SDK2: variants seen among roughly 807,000 people sequenced by gnomAD.
SDK2 encodes the protein sidekick cell adhesion molecule 2.
Under a neutral mutation model 253.9 loss-of-function variants are expected in SDK2, and 105 were observed. That is an observed-to-expected ratio of 0.41 (90% CI 0.35 to 0.49). SDK2 has a LOEUF of 0.49. Ranked by LOEUF, SDK2 falls within the 20% of genes least tolerant of loss-of-function variation. SDK2 has a pLI of 0.06. For synonymous variants in SDK2, 1,249 were observed against 1,234.9 expected (o/e 1.01, Z -0.24); for missense variants, 2,608 against 3,003.0 (o/e 0.87, Z 3.07).
chr17:73,457,284 TTCCCC>T (rs2063534716), intron 3 of SDK2, among the ~76,000 whole-genome samples: 1 of 30,522 alleles, frequency 3.3e-5, no homozygotes, highest in African/African-American at 2.0e-4. Flanking sequence ...CCTTCCTTCC[TTCCCC>T]CCTCCCTCCC....
intron 29 of SDK2, among the ~76,000 whole-genome samples, chr17:73,388,612 C>CCT (rs921449996): frequency 6.6e-6 from 1 of 152,168 alleles, no homozygotes; most frequent in Non-Finnish European, 1.5e-5. Context: ...CAGTAGCACT[C>CCT]CCACACTGTG....
rs749150010 is a variant in SDK2 at position 73,422,347 on chromosome 17, T to C, written c.1985A>G (p.Gln662Arg). The change falls in exon 15 of 45, where the codon CAG (glutamine) becomes CGG (arginine). Residue 662 changes from glutamine (Q) to arginine (R), a missense_variant. Around this residue, in one of 2 missense-constraint regions of SDK2, gnomAD observed 1,505 missense variants for 1,859.1 expected, o/e 0.81. Transcript: ENST00000392650. ...VKGLVPARSY[Q>R]FRLCAVNDVG... The stretch of plus-strand genomic sequence containing the variant: ...GTCGTTGACGGCACAAAGACGGAAC[T>C]GGTAGGAGCGTGCAGGAACCAGGCC... 1.2e-6 allele frequency: 2 copies of C among 1,613,928 alleles called. No individual in the cohort carries two copies. Among genetic ancestry groups the C allele is most frequent in the South Asian group, 1.1e-5 (1 of 91,074 alleles).
At chr17:73,606,380 G>A (rs558962509) in intron 1 of SDK2, among the ~76,000 whole-genome samples, 117 of 151,946 alleles carry the variant, frequency 7.7e-4, no homozygotes, top group Middle Eastern at 3.4e-3. Flanking sequence ...CTCCTCTGAG[G>A]GGGGGCAGGG....
chr17:73,538,068 T>C (rs1197499166), intron 1 of SDK2, among the ~76,000 whole-genome samples: 1 of 152,172 alleles, frequency 6.6e-6, no homozygotes, highest in African/African-American at 2.4e-5. Context: ...AGCTGGTACC[T>C]GGGAGACAGA....
At chr17:73,509,840 C>T (rs2063965052) in intron 1 of SDK2, among the ~76,000 whole-genome samples, 1 of 133,000 alleles carries the variant, frequency 7.5e-6, no homozygotes, top group African/African-American at 2.9e-5. Flanking sequence ...GCGGAGGTTG[C>T]AGTGAGCCGA....
At chr17:73,509,060 G>A (rs2063957640) in intron 1 of SDK2, among the ~76,000 whole-genome samples, 1 of 152,198 alleles carries the variant, frequency 6.6e-6, no homozygotes, top group African/African-American at 2.4e-5. Context: ...TGTAATTAAA[G>A]CTGTGCAGGC....
Position 73,470,004 on chromosome 17 carries a change from A to G in SDK2, c.331+2108T>C, listed in dbSNP as rs908499085. On this transcript the variant is annotated intron_variant, in intron 3 of 44. Coordinates refer to ENST00000392650, the MANE Select transcript of SDK2 (RefSeq NM_001144952.2). ...ACTGCGCGCGCGCGCACACACACAC[A>G]CACACACACACACACACACACACAC... 9.1e-3 allele frequency among the ~76,000 whole-genome samples: 1,355 copies of G among 148,340 alleles called. 21 individuals carry two copies. Among genetic ancestry groups the G allele is most frequent in the African/African-American group, 0.031 (1,196 of 39,004 alleles).
rs1320945257 is a variant in SDK2, at chr17:73,386,518, T to A, written c.4425A>T (p.Arg1475=). ...RLKPFTSYKF[R]VKATNDIGDS... Reference sequence around the variant, plus strand: ...CGCCAATGTCATTGGTCGCCTTCACTCGGAACTTGTAGGACGTGAAGGGCT... The same window carrying A: ...CGCCAATGTCATTGGTCGCCTTCACACGGAACTTGTAGGACGTGAAGGGCT... The change falls in exon 31 of 45, where the codon CGA becomes CGT. Residue 1475 remains arginine, a synonymous_variant. Coordinates refer to ENST00000392650, the MANE Select transcript of SDK2 (RefSeq NM_001144952.2). The A allele has an allele frequency of 1.9e-6, 3 of 1,559,468 alleles. No individual in the cohort carries two copies. The African/African-American group carries it at 4.1e-5, about 21-fold the overall frequency.
intron 18 of SDK2, among the ~76,000 whole-genome samples, chr17:73,404,275 C>T (rs187170702): frequency 4.5e-4 from 69 of 152,282 alleles, no homozygotes; most frequent in Non-Finnish European, 2.2e-4. Context: ...ACTTGTCCTT[C>T]TCCAGTTGCA....
chr17:73,542,273 G>A (rs891900281), intron 1 of SDK2, among the ~76,000 whole-genome samples: 4 of 152,240 alleles, frequency 2.6e-5, no homozygotes, highest in African/African-American at 9.6e-5. Context: ...CAAAACTGAG[G>A]TTGTGACTTG....
At chr17:73,577,038 C>T (rs77880861) in intron 1 of SDK2, among the ~76,000 whole-genome samples, 2,685 of 152,272 alleles carry the variant, frequency 0.018, 82 homozygotes, top group African/African-American at 0.054. Flanking sequence ...ACCTGCAATC[C>T]CTTCCAGGAA....
intron 18 of SDK2, among the ~76,000 whole-genome samples, chr17:73,408,605 T>C (rs952544836): frequency 1.3e-5 from 2 of 152,150 alleles, no homozygotes; most frequent in Non-Finnish European, 1.5e-5. Context: ...GTAACTATAT[T>C]GTTTGGAGGA....
At chr17:73,343,294 CG>C (rs1568357911) in intron 44 of SDK2, among the ~76,000 whole-genome samples, 1 of 152,230 alleles carries the variant, frequency 6.6e-6, no homozygotes, top group African/African-American at 2.4e-5. Flanking sequence ...GCCAGGCAGG[CG>C]AGAGTCTGGT....
chr17:73,492,655 A>G (rs1336338805), intron 2 of SDK2, among the ~76,000 whole-genome samples: 1 of 152,044 alleles, frequency 6.6e-6, no homozygotes, highest in Non-Finnish European at 1.5e-5. Context: ...AGTCTCTGCC[A>G]TCCCAGCGGA....
intron 4 of SDK2, among the ~76,000 whole-genome samples, chr17:73,449,947 CAAAA>C (rs1056658442): frequency 3.3e-5 from 5 of 151,906 alleles, no homozygotes; most frequent in African/African-American, 1.2e-4. Flanking sequence ...AACAAACAAA[CAAAA>C]AAACAAGAAA....
chr17:73,510,619 C>G (rs2063972890), intron 1 of SDK2, among the ~76,000 whole-genome samples: 1 of 152,284 alleles, frequency 6.6e-6, no homozygotes, highest in East Asian at 1.9e-4. Flanking sequence ...TCCACCTCAG[C>G]CTCCTGAGTA....
In SDK2 at chr17:73,414,691, T is replaced by C. The variant is rs1318756386; in HGVS notation, c.2437A>G (p.Asn813Asp). 1 of 1,613,908 alleles carries C rather than the reference T, an allele frequency of 6.2e-7. No individual in the cohort carries two copies. Among genetic ancestry groups the C allele is most frequent in the South Asian group, 1.1e-5 (1 of 91,068 alleles). ...TTGATGAACTGGGGGCTGGGGGCGT[T>C]CCAGGTGAAGCGGATGGTCGTGGAA... ...TNSTTIRFTW[N>D]APSPQFINGI... The change falls in exon 18 of 45, where the codon AAC (asparagine) becomes GAC (aspartate). Residue 813 changes from asparagine (N) to aspartate (D), a missense_variant. Physicochemically the swap from Asn to Asp is conservative, Grantham distance 23. Coordinates refer to ENST00000392650, the MANE Select transcript of SDK2 (RefSeq NM_001144952.2).
chr17:73,348,641 G>C lies in SDK2; in HGVS notation c.6123C>G (p.Ser2041Arg). 1 of 1,613,058 alleles carries C rather than the reference G, an allele frequency of 6.2e-7. No individual in the cohort carries two copies. The highest frequency in any genetic ancestry group is 1.1e-5 in the South Asian group (1 of 91,050). ...CTGAGGGCTTCTCCGTCAGGCTGCT[G>C]CTCTCTGCAGGGATGAGGTCGTTGT... ...TKYNDLIPAE[S>R]SSLTEKPSEI... is the part of the protein sequence containing the mutation. The change falls in exon 44 of 45, where the codon AGC becomes AGG. Residue 2041 changes from serine to arginine, a missense_variant. Physicochemically the swap from Ser to Arg is moderately radical, Grantham distance 110. This residue lies in a region of SDK2 where 1,103 missense variants were observed against 1,143.9 expected (regional missense o/e 0.96). Coordinates refer to ENST00000392650, the MANE Select transcript of SDK2 (RefSeq NM_001144952.2).
chr17:73,509,909 A>AG (rs2063966646), intron 1 of SDK2, among the ~76,000 whole-genome samples: 1 of 143,024 alleles, frequency 7.0e-6, no homozygotes. Context: ...CTACAAAAAA[A>AG]AAAAAAAAAA....
Sources: gnomAD v4.1 joint callset for allele counts (sites outside exome capture counted in the v4.1 genomes callset) on GRCh38, gnomAD v4.1.1 for gene constraint, gnomAD v4.1.1 regional missense constraint, MANE v1.5 for transcripts, NCBI Gene and HGNC (gene_info 2026-07-23, HGNC 2026-07-21) for gene names.